Variants in DPP10 observed in about 807,000 individuals in gnomAD.
DPP10 encodes inactive dipeptidyl peptidase 10.
A neutral mutation model predicts 120.9 loss-of-function variants in DPP10; 33 were observed. The observed-to-expected ratio is 0.27, with a 90% confidence interval of 0.21 to 0.37. The LOEUF (loss-of-function observed/expected upper bound fraction) is 0.37, where lower values mean the gene tolerates loss of function less well. Among genes scored for constraint, DPP10 ranks in the 10% least tolerant of loss-of-function variants. The pLI is 1.00. For synonymous variants in DPP10, 337 were observed against 326.1 expected (o/e 1.03, Z -0.36); for missense variants, 816 against 942.8 (o/e 0.87, Z 1.76).
chr2:114,604,286 C>T (rs1448760710), intron 1 of DPP10, among the ~76,000 whole-genome samples: 3 of 152,060 alleles, frequency 2.0e-5, no homozygotes, highest in Admixed American at 2.0e-4. Flanking sequence ...ACTTTCCAGA[C>T]CTAGCCAAGG....
At chr2:115,778,320 A>G (rs1276434599) in intron 15 of DPP10, among the ~76,000 whole-genome samples, 2 of 152,090 alleles carry the variant, frequency 1.3e-5, no homozygotes, top group East Asian at 1.9e-4. Context: ...AGATTGTTGC[A>G]GGAGGAGGCA....
At chr2:114,532,256 CATATATATATATATATATATATATAT>C (rs66716319) in intron 1 of DPP10, among the ~76,000 whole-genome samples, 9,079 of 86,306 alleles carry the variant, frequency 0.11, 643 homozygotes, top group Middle Eastern at 0.17. Flanking sequence ...AATAAATCTC[CATATATATATATATATATATATATAT>C]ATATATATAT....
At chr2:115,815,153 C>T (rs1285482248) in intron 20 of DPP10, among the ~76,000 whole-genome samples, 166 bp downstream of exon 20, 1 of 151,944 alleles carries the variant, frequency 6.6e-6, no homozygotes, top group African/African-American at 2.4e-5. Context: ...TACCTGTCAC[C>T]CTTAGTGCTA....
chr2:114,913,238 C>T (rs555554210), intron 1 of DPP10, among the ~76,000 whole-genome samples: 9 of 152,154 alleles, frequency 5.9e-5, no homozygotes, highest in Non-Finnish European at 1.0e-4. Flanking sequence ...CCCCCATCGG[C>T]GTGCACTCGC....
At chr2:115,312,635 C>G (rs2061629310) in intron 2 of DPP10, among the ~76,000 whole-genome samples, 1 of 152,146 alleles carries the variant, frequency 6.6e-6, no homozygotes, top group African/African-American at 2.4e-5. Context: ...TCCAACTGCA[C>G]CAAGCCTTTC....
intron 1 of DPP10, among the ~76,000 whole-genome samples, chr2:115,019,039 C>T (rs1293293137): frequency 1.3e-5 from 2 of 151,812 alleles, no homozygotes; most frequent in East Asian, 3.9e-4. Context: ...GGCAGAGACC[C>T]AGCACCCACC....
At chr2:114,921,477 T>C in intron 1 of DPP10, among the ~76,000 whole-genome samples, 1 of 152,228 alleles carries the variant, frequency 6.6e-6, no homozygotes, top group East Asian at 1.9e-4. Context: ...TTATAAAATG[T>C]TCATCCCAGT....
chr2:115,217,449 A>G (rs1056518230), intron 1 of DPP10, among the ~76,000 whole-genome samples: 1 of 152,138 alleles, frequency 6.6e-6, no homozygotes, highest in African/African-American at 2.4e-5. Flanking sequence ...TGTTTTAATC[A>G]TTTGCTTCAT....
chr2:114,769,187 GC>G (rs1681022315), intron 1 of DPP10, among the ~76,000 whole-genome samples: 1 of 152,140 alleles, frequency 6.6e-6, no homozygotes. Flanking sequence ...CAGTGGTGTG[GC>G]CGATAAAACC....
At chr2:115,249,415 G>A (rs1310900345) in intron 1 of DPP10, among the ~76,000 whole-genome samples, 1 of 152,068 alleles carries the variant, frequency 6.6e-6, no homozygotes, top group Admixed American at 6.6e-5. Context: ...CATAAATCAC[G>A]TGGTAGAAGA....
intron 1 of DPP10, among the ~76,000 whole-genome samples, chr2:115,059,188 A>C (rs1233910481): frequency 6.6e-6 from 1 of 151,630 alleles, no homozygotes; most frequent in Non-Finnish European, 1.5e-5. Flanking sequence ...AAAGATAAAA[A>C]GAAAGAAGAG....
intron 5 of DPP10, among the ~76,000 whole-genome samples, chr2:115,683,656 T>C (rs3962099): frequency 0.24 from 36,926 of 151,544 alleles, 5,030 homozygotes; most frequent in African/African-American, 0.36. Flanking sequence ...CTAAAAGTGC[T>C]CTAAATGTGT....
At chr2:115,508,990 G>A (rs551464635) in intron 4 of DPP10, among the ~76,000 whole-genome samples, 1 of 152,254 alleles carries the variant, frequency 6.6e-6, no homozygotes, top group South Asian at 2.1e-4. Context: ...ACAGGCATGA[G>A]GCATGGAGTA....
At chr2:115,830,786 A>G (rs746368507) in intron 21 of DPP10, among the ~76,000 whole-genome samples, 26 of 152,206 alleles carry the variant, frequency 1.7e-4, no homozygotes, top group Non-Finnish European at 2.4e-4. Flanking sequence ...AGAGAAGGCA[A>G]TGTAAGGAGA....
chr2:115,253,721 T>C (rs1226975238), intron 1 of DPP10, among the ~76,000 whole-genome samples: 1 of 152,216 alleles, frequency 6.6e-6, no homozygotes, highest in East Asian at 1.9e-4. Context: ...AGGGGTTGGC[T>C]CCCAAGGGCT....
chr2:114,876,493 G>T (rs775928506), intron 1 of DPP10, among the ~76,000 whole-genome samples: 4 of 151,954 alleles, frequency 2.6e-5, no homozygotes, highest in African/African-American at 7.2e-5. Flanking sequence ...ACTAACTTGG[G>T]GATTTTGGAC....
At chr2:115,375,276 G>T (rs2065704798) in intron 3 of DPP10, among the ~76,000 whole-genome samples, 1 of 152,162 alleles carries the variant, frequency 6.6e-6, no homozygotes. Context: ...CAAGTTGAAA[G>T]TTTCACAGAT....
At chr2:115,607,619 A>T (rs917176626) in intron 5 of DPP10, among the ~76,000 whole-genome samples, 1 of 152,204 alleles carries the variant, frequency 6.6e-6, no homozygotes, top group Non-Finnish European at 1.5e-5. Context: ...ATAACTCAGT[A>T]TCATTAATTC....
intron 1 of DPP10, among the ~76,000 whole-genome samples, chr2:115,014,398 A>G (rs1418390604): frequency 1.3e-5 from 2 of 152,192 alleles, no homozygotes; most frequent in African/African-American, 4.8e-5. Flanking sequence ...AGCGGGAAAG[A>G]TCTAAAACTG....
Sources: allele counts gnomAD v4.1 joint callset (sites outside exome capture counted in the v4.1 genomes callset), GRCh38; gene constraint gnomAD v4.1.1; transcripts MANE v1.5; gene names NCBI Gene and HGNC (gene_info 2026-07-23, HGNC 2026-07-21).